The following STT3A variants were observed in gnomAD, a reference collection of about 807,000 sequenced individuals.
The protein encoded by STT3A is dolichyl-diphosphooligosaccharide--protein glycosyltransferase subunit STT3A.
Under a neutral mutation model 89.2 loss-of-function variants are expected in STT3A, and 34 were observed. The observed-to-expected ratio is 0.38, with a 90% CI of 0.29 to 0.51. STT3A has a LOEUF of 0.51. Ranked by LOEUF, STT3A falls within the 20% of genes least tolerant of loss-of-function variation. STT3A has a pLI of 0.89. For missense variants in STT3A, 555 were observed against 889.5 expected (o/e 0.62, Z 4.78); for synonymous variants, 282 against 310.3 (o/e 0.91, Z 0.96).
At chr11:125,606,251 G>A (rs1939833270) in intron 7 of STT3A, 50 bp from the exon 8 acceptor site, 2 of 1,509,568 alleles carry the variant, frequency 1.3e-6, no homozygotes, top group East Asian at 2.2e-5. Context: ...TAGTGGTGGT[G>A]GTCTGAGGAG....
chr11:125,614,998 G>A lies in STT3A; in HGVS notation c.1774+572G>A, dbSNP rs1489509559. Reference sequence around the variant, plus strand: ...TTAAAAAGTTAAGCAGTTCACAGCCGGGTGTGGTGGCTCACACCTGTAATC... The same window carrying A: ...TTAAAAAGTTAAGCAGTTCACAGCCAGGTGTGGTGGCTCACACCTGTAATC... On this transcript the variant is annotated intron_variant, in intron 15 of 17. Coordinates refer to ENST00000392708, the MANE Select transcript of STT3A (RefSeq NM_152713.5). This position sits in a 1 kb window ranked among gnomAD's most constrained non-coding sequence, Gnocchi z 4.9. 2.0e-5 allele frequency among the ~76,000 whole-genome samples: 3 copies of A among 152,056 alleles called. No homozygotes were observed. The highest frequency in any genetic ancestry group is 4.8e-5 in the African/African-American group (2 of 41,414).
In STT3A at chr11:125,622,155, T is replaced by C. The variant is rs1940366414; in HGVS notation, c.*1345T>C. 1 of 152,246 alleles carries C rather than the reference T, an allele frequency of 6.6e-6. No homozygotes were observed. The highest frequency in any genetic ancestry group is 1.5e-5 in the Non-Finnish European group (1 of 68,048). 9.4% of individuals were successfully genotyped at this position (152,246 alleles called of 1,614,324 possible). On this transcript the variant is annotated 3_prime_UTR_variant, in exon 18 of 18. Coordinates refer to ENST00000392708, the MANE Select transcript of STT3A (RefSeq NM_152713.5). ...AAGGCGTTAATAAAAGCTAACTGTT[T>C]AGTGTTATCCATTTAAGGGAACAGG...
At chr11:125,602,220 G>T in intron 3 of STT3A, 83 bp from the exon 4 acceptor site, 1 of 1,482,840 alleles carries the variant, frequency 6.7e-7, no homozygotes, top group South Asian at 1.3e-5. Flanking sequence ...ATTTTTCATT[G>T]AGTAATGCTG....
chr11:125,610,771 TATAAA>T (rs1357622915), intron 10 of STT3A: 1 of 152,006 alleles, frequency 6.6e-6, no homozygotes, highest in Non-Finnish European at 1.5e-5. Flanking sequence ...CATACACACA[TATAAA>T]ATAAATAAAA....
At chr11:125,595,827 A>C in intron 1 of STT3A, 54 bp from the exon 2 acceptor site, 1 of 849,402 alleles carries the variant, frequency 1.2e-6, no homozygotes, top group Non-Finnish European at 2.0e-6. Flanking sequence ...AAATATGAAA[A>C]TTAAGTAAAT....
intron 3 of STT3A, among the ~76,000 whole-genome samples, chr11:125,601,902 G>A (rs1054514441): frequency 2.0e-5 from 3 of 151,802 alleles, no homozygotes; most frequent in Non-Finnish European, 4.4e-5. Context: ...AGGTTCTAGC[G>A]ATTCTCCTGC....
rs188178070 is a variant in STT3A, at chr11:125,613,424, G to A, written c.1554+247G>A. On this transcript the variant is annotated intron_variant, in intron 13 of 17. Transcript: ENST00000392708. The surrounding 1 kb of genome is among the most constrained non-coding windows in gnomAD (Gnocchi z 4.2). ...TATTGATATGATGATTTTAACATGA[G>A]GTAGAACATCCCAGTTATAAAAGAA... Among the ~76,000 whole-genome samples the A allele has an allele frequency of 2.0e-5, 3 of 151,988 alleles. No homozygotes were observed. The East Asian group carries it at 5.8e-4, about 29-fold the overall frequency.
intron 15 of STT3A, among the ~76,000 whole-genome samples, chr11:125,616,045 AAAG>A (rs1940171297): frequency 6.6e-6 from 1 of 152,182 alleles, no homozygotes; most frequent in Non-Finnish European, 1.5e-5. Context: ...TCTCAAAAAA[AAAG>A]AAAAAAGAAA....
In STT3A at chr11:125,613,101, G is replaced by T. The variant is rs774060809; in HGVS notation, c.1478G>T (p.Arg493Leu). The T allele has an allele frequency of 6.2e-7, 1 of 1,614,098 alleles. No homozygotes were observed. The highest frequency in any genetic ancestry group is 1.1e-5 in the South Asian group (1 of 91,080). ...YSSPSIVLSA[R>L]GGDGSRIIFD... ...TCTCCGTCCATTGTACTATCTGCCC[G>T]TGGTGGGGATGGCAGTAGGATCATA... is the stretch of plus-strand genomic sequence containing the variant. The change falls in exon 13 of 18, where the codon CGT becomes CTT. Residue 493 changes from arginine to leucine, a missense_variant. Arg to Leu is a moderately radical substitution (Grantham distance 102). Transcript: ENST00000392708. The surrounding 1 kb of genome is among the most constrained non-coding windows in gnomAD (Gnocchi z 4.2).
At chr11:125,612,855 T>A (rs1043714232) in intron 12 of STT3A, 108 bp downstream of exon 12, 1 of 1,513,800 alleles carries the variant, frequency 6.6e-7, no homozygotes, top group Non-Finnish European at 9.0e-7. Context: ...CTGTCCTAGG[T>A]GGTCAGAATT....
chr11:125,621,678 CTA>C lies in STT3A; in HGVS notation c.*870_*871del, dbSNP rs1291291930. 6.6e-6 allele frequency: 1 copy of C among 152,094 alleles called. No homozygotes were observed. Among genetic ancestry groups the C allele is most frequent in the Non-Finnish European group, 1.5e-5 (1 of 68,018 alleles). The allele number at this position is 152,094 out of a possible 1,614,324, so 9.4% of individuals were successfully genotyped here. On this transcript the variant is annotated 3_prime_UTR_variant, in exon 18 of 18. Coordinates refer to ENST00000392708, the MANE Select transcript of STT3A (RefSeq NM_152713.5). The stretch of plus-strand genomic sequence containing the variant: ...AGCTTCTTTTTCCCTTAGTCTTAGC[CTA>C]TGTGTTGCTGTTGTATATTGTTACC...
In STT3A at chr11:125,620,963, G is replaced by T; in HGVS notation, c.*153G>T. 5.6e-6 allele frequency: 3 copies of T among 536,430 alleles called. No homozygotes were observed. The highest frequency in any genetic ancestry group is 6.2e-5 in the East Asian group (2 of 32,188). 33.2% of individuals were successfully genotyped at this position (536,430 alleles called of 1,614,324 possible). On this transcript the variant is annotated 3_prime_UTR_variant, in exon 18 of 18. Coordinates refer to ENST00000392708, the MANE Select transcript of STT3A (RefSeq NM_152713.5). ...GGAAGTTTTGTCTTGGGCAGTATGG[G>T]CTGGGCCAAATGAAATGATTTTTAT...
chr11:125,612,648 C>G lies in STT3A; in HGVS notation c.1266C>G (p.Val422=), dbSNP rs149389505. Residue 422 remains valine, a synonymous_variant, in exon 12 of 18, where the codon GTC becomes GTG. Transcript: ENST00000392708. ...PVMCILSGIG[V]SQVLSTYMKN... ...TGTGCATTCTCTCTGGCATTGGAGT[C>G]TCCCAGGTGCTGTCCACATACATGA... is the stretch of plus-strand genomic sequence containing the variant. The G allele has an allele frequency of 1.1e-5, 17 of 1,614,188 alleles. No individual in the cohort carries two copies. The African/African-American group carries it at 1.1e-4, about 10-fold the overall frequency.
intron 10 of STT3A, 178 bp downstream of exon 10, chr11:125,609,767 A>G: frequency 3.5e-6 from 2 of 578,698 alleles, no homozygotes; most frequent in Non-Finnish European, 5.6e-6. Context: ...GAAGTTCAAC[A>G]GTTGTAGATA....
intron 10 of STT3A, chr11:125,610,975 AT>A (rs1480125964): frequency 1.3e-5 from 2 of 153,056 alleles, no homozygotes; most frequent in Non-Finnish European, 2.9e-5. Context: ...ATGTATATTT[AT>A]CAAATAAGAA....
chr11:125,604,704 C>T (rs1482370991), intron 6 of STT3A, among the ~76,000 whole-genome samples: 6 of 152,130 alleles, frequency 3.9e-5, no homozygotes, highest in Non-Finnish European at 5.9e-5. Context: ...TATATTGGCC[C>T]ATCATCTATT....
At chr11:125,611,555 C>T in intron 11 of STT3A, 36 bp downstream of exon 11, 1 of 1,585,754 alleles carries the variant, frequency 6.3e-7, no homozygotes, top group Non-Finnish European at 8.7e-7. Flanking sequence ...CTTTTTCACT[C>T]TAACTCTGAG....
upstream of STT3A, chr11:125,592,414 C>T (rs997246963): frequency 9.4e-5 from 43 of 456,240 alleles, no homozygotes; most frequent in Non-Finnish European, 1.8e-4. Context: ...GTAACAATTT[C>T]TACCTTAAAA....
intron 16 of STT3A, 49 bp from the exon 17 acceptor site, chr11:125,619,962 G>T: frequency 6.7e-7 from 1 of 1,489,210 alleles, no homozygotes; most frequent in South Asian, 1.2e-5. Context: ...TGTCTCTCTA[G>T]GAAATTAGCA....
Sources: allele counts gnomAD v4.1 joint callset (sites outside exome capture counted in the v4.1 genomes callset), GRCh38; gene constraint gnomAD v4.1.1; non-coding constraint Gnocchi (gnomAD v3.1); transcripts MANE v1.5; gene names NCBI Gene and HGNC (gene_info 2026-07-23, HGNC 2026-07-21).